Variants in BICDL1 observed in about 807,000 individuals in gnomAD.
The protein encoded by BICDL1 is BICD family like cargo adaptor 1.
A neutral mutation model predicts 76.8 loss-of-function variants in BICDL1; 20 were observed. That is an observed-to-expected ratio of 0.26 (90% CI 0.18 to 0.38). BICDL1 has a LOEUF of 0.38. Among genes scored for constraint, BICDL1 ranks in the 10% least tolerant of loss-of-function variants. BICDL1 has a pLI of 1.00. For synonymous variants in BICDL1, 383 were observed against 337.1 expected, an observed-to-expected ratio of 1.14 and a Z score of -1.49; for missense variants, 700 against 798.6, an observed-to-expected ratio of 0.88 and a Z score of 1.49.
chr12:120,025,194 G>T (rs1378934413), intron 2 of BICDL1, among the ~76,000 whole-genome samples: 3 of 151,916 alleles, frequency 2.0e-5, no homozygotes, highest in African/African-American at 7.3e-5. Flanking sequence ...GGGACTACAG[G>T]CGCCCGCCAC....
At chr12:120,035,714 A>G (rs577642185) in intron 2 of BICDL1, among the ~76,000 whole-genome samples, 2 of 152,362 alleles carry the variant, frequency 1.3e-5, no homozygotes, top group South Asian at 4.1e-4. Context: ...CATATTAATG[A>G]AATGTTATAA....
chr12:120,014,201 A>G (rs191314563), intron 2 of BICDL1, among the ~76,000 whole-genome samples: 169 of 152,362 alleles, frequency 1.1e-3, no homozygotes, highest in African/African-American at 3.7e-3. Context: ...GAAAGCTATT[A>G]TTAAAGAAGA....
chr12:120,013,634 G>T (rs769929705), intron 2 of BICDL1, among the ~76,000 whole-genome samples: 4 of 151,920 alleles, frequency 2.6e-5, no homozygotes, highest in African/African-American at 2.4e-5. Context: ...GCTAATTTTT[G>T]TATTTTTAGT....
At chr12:120,090,760 G>T (rs1874887559) in intron 9 of BICDL1, 4 of 565,434 alleles carry the variant, frequency 7.1e-6, no homozygotes, top group East Asian at 6.8e-5. Flanking sequence ...CAGGTTGTTG[G>T]TGACCATTCC....
At chr12:120,075,733 C>T (rs988402432) in intron 7 of BICDL1, among the ~76,000 whole-genome samples, 1 of 152,228 alleles carries the variant, frequency 6.6e-6, no homozygotes, top group East Asian at 1.9e-4. Context: ...AAGAAACTCC[C>T]CTTTTCTGGG....
At chr12:120,088,412 A>C (rs1052040267) in intron 8 of BICDL1, among the ~76,000 whole-genome samples, 1 of 152,084 alleles carries the variant, frequency 6.6e-6, no homozygotes, top group Non-Finnish European at 1.5e-5. Context: ...GCTGGAGTGC[A>C]GTGGCACAAT....
intron 6 of BICDL1, 75 bp from the exon 7 acceptor site, chr12:120,074,368 A>AC (rs1873364995): frequency 3.1e-6 from 3 of 959,622 alleles, no homozygotes; most frequent in Middle Eastern, 2.8e-4. Context: ...TCCCCGACTA[A>AC]CCATCTCTCT....
intron 3 of BICDL1, 130 bp downstream of exon 3, chr12:120,061,956 A>T (rs1447115828): frequency 1.5e-6 from 1 of 650,020 alleles, no homozygotes; most frequent in Non-Finnish European, 2.8e-6. Context: ...AATGGGAAAC[A>T]TTTGATCTGT....
At chr12:120,069,203 A>T (rs1237747064) in intron 4 of BICDL1, among the ~76,000 whole-genome samples, 1 of 152,206 alleles carries the variant, frequency 6.6e-6, no homozygotes, top group Non-Finnish European at 1.5e-5. Context: ...TGGCTTGCAG[A>T]ATAGAGCAAT....
chr12:120,017,655 C>T (rs1952093110), intron 2 of BICDL1, among the ~76,000 whole-genome samples: 1 of 151,736 alleles, frequency 6.6e-6, no homozygotes, highest in Admixed American at 6.6e-5. Context: ...TCACTTGAGC[C>T]CAGGAGTTCA....
intron 1 of BICDL1, among the ~76,000 whole-genome samples, chr12:119,996,962 T>A (rs888597874): frequency 6.6e-6 from 1 of 151,930 alleles, no homozygotes; most frequent in Non-Finnish European, 1.5e-5. Context: ...TTTTTTTTTT[T>A]TTTTGAGACG....
intron 2 of BICDL1, among the ~76,000 whole-genome samples, chr12:120,052,730 T>C (rs1401870367): frequency 6.6e-6 from 1 of 152,264 alleles, no homozygotes; most frequent in Non-Finnish European, 1.5e-5. Flanking sequence ...CGTTCTCTGG[T>C]CTTGCCTGCA....
intron 2 of BICDL1, among the ~76,000 whole-genome samples, chr12:120,012,208 A>G (rs1430829948): frequency 1.3e-5 from 2 of 152,118 alleles, no homozygotes; most frequent in Non-Finnish European, 2.9e-5. Flanking sequence ...CCACAACAAA[A>G]TTTATTTTCC....
chr12:120,009,690 G>A (rs1234581103), intron 2 of BICDL1, among the ~76,000 whole-genome samples: 2 of 152,174 alleles, frequency 1.3e-5, no homozygotes, highest in African/African-American at 4.8e-5. Context: ...TAGGAAGGTT[G>A]GAGTTGACAG....
chr12:120,005,759 G>A (rs1951839205), intron 2 of BICDL1, among the ~76,000 whole-genome samples: 1 of 152,110 alleles, frequency 6.6e-6, no homozygotes, highest in Non-Finnish European at 1.5e-5. Context: ...TTAAATGGTT[G>A]TATATAGTAT....
intron 2 of BICDL1, among the ~76,000 whole-genome samples, chr12:120,004,967 G>A (rs1163051564): frequency 4.6e-5 from 7 of 151,622 alleles, no homozygotes; most frequent in South Asian, 2.1e-4. Context: ...GATTACAGGC[G>A]CCCGCCACTA....
intron 2 of BICDL1, among the ~76,000 whole-genome samples, chr12:120,009,938 C>A (rs1314610439): frequency 2.6e-5 from 4 of 152,226 alleles, no homozygotes; most frequent in Non-Finnish European, 5.9e-5. Flanking sequence ...TAAAAGAGAA[C>A]TTCTGGTCTA....
At chr12:120,006,217 C>T (rs1423584991) in intron 2 of BICDL1, among the ~76,000 whole-genome samples, 1 of 152,112 alleles carries the variant, frequency 6.6e-6, no homozygotes, top group East Asian at 1.9e-4. Context: ...GGAAAGCTGG[C>T]AGTGTTCTGT....
rs1341945437 is a variant in BICDL1 at position 119,989,789 on chromosome 12, G to T, written c.-80G>T. 2 of 595,580 alleles carry T rather than the reference G, an allele frequency of 3.4e-6. No individual in the cohort carries two copies. The highest frequency in any genetic ancestry group is 1.4e-4 in the East Asian group (1 of 6,994). 36.9% of individuals were successfully genotyped at this position (595,580 alleles called of 1,614,324 possible). ...CGAGGCGAGGCGCGGGACGCGGGGC[G>T]GCGCGGCAGGGCCCCTCCCCCCTGC... On this transcript the variant is annotated 5_prime_UTR_variant, in exon 1 of 10. Transcript: ENST00000548673.
Sources: allele counts gnomAD v4.1 joint callset (sites outside exome capture counted in the v4.1 genomes callset), GRCh38; gene constraint gnomAD v4.1.1; transcripts MANE v1.5; gene names NCBI Gene and HGNC (gene_info 2026-07-23, HGNC 2026-07-21).